Variants in LTBP1 observed in about 807,000 individuals in gnomAD.
LTBP1 encodes the protein latent-transforming growth factor beta-binding protein 1.
Under a neutral mutation model 207.6 loss-of-function variants are expected in LTBP1, and 129 were observed. The observed-to-expected ratio is 0.62, with a 90% CI of 0.54 to 0.72. The LOEUF is 0.72. Ranked by LOEUF, LTBP1 falls within the 30% of genes least tolerant of loss-of-function variation. The probability of loss-of-function intolerance (pLI) is 0.00; values close to 1 mark genes in which losing one functional copy is unlikely to be tolerated. For missense variants in LTBP1, 2,281 were observed against 2,217.2 expected, an observed-to-expected ratio of 1.03 and a Z score of -0.58; for synonymous variants, 963 against 833.7, an observed-to-expected ratio of 1.16 and a Z score of -2.67.
At chr2:32,968,199 C>T (rs1418108308) in intron 2 of LTBP1, among the ~76,000 whole-genome samples, 1 of 152,106 alleles carries the variant, frequency 6.6e-6, no homozygotes, top group Non-Finnish European at 1.5e-5. Flanking sequence ...AGCTCCTTAT[C>T]AGGTGATCCG....
intron 3 of LTBP1, among the ~76,000 whole-genome samples, chr2:33,028,545 G>A (rs1275387022): frequency 6.6e-6 from 1 of 152,184 alleles, no homozygotes; most frequent in African/African-American, 2.4e-5. Context: ...GCGAGCGCCT[G>A]TAATCCCAGC....
chr2:33,092,425 A>C (rs907978012), intron 3 of LTBP1, among the ~76,000 whole-genome samples: 3 of 152,244 alleles, frequency 2.0e-5, no homozygotes, highest in African/African-American at 7.2e-5. Context: ...CAAACCTTTC[A>C]GCCTGGGCTT....
intron 7 of LTBP1, among the ~76,000 whole-genome samples, chr2:33,208,087 A>T (rs879455653): frequency 6.6e-6 from 1 of 152,278 alleles, no homozygotes; most frequent in Admixed American, 6.5e-5. Flanking sequence ...TAGGATTAAC[A>T]TTCCTCATCC....
chr2:33,217,438 T>C (rs1349876370), intron 7 of LTBP1, 114 bp from the exon 8 acceptor site: 1 of 596,486 alleles, frequency 1.7e-6, no homozygotes, highest in East Asian at 2.7e-5. Flanking sequence ...TCCTTTCTAA[T>C]TGTGTCGATA....
At chr2:33,081,402 C>G (rs146018366) in intron 3 of LTBP1, among the ~76,000 whole-genome samples, 1 of 151,952 alleles carries the variant, frequency 6.6e-6, no homozygotes, top group Non-Finnish European at 1.5e-5. Flanking sequence ...TGGACACACA[C>G]GAGCATACAC....
At chr2:33,332,931 A>G (rs1262171507) in intron 24 of LTBP1, 1 of 152,198 alleles carries the variant, frequency 6.6e-6, no homozygotes, top group Non-Finnish European at 1.5e-5. Context: ...TACACCTCTC[A>G]TCTGATCTTG....
At chr2:33,272,756 CA>C (rs2093348509) in intron 15 of LTBP1, among the ~76,000 whole-genome samples, 1 of 152,218 alleles carries the variant, frequency 6.6e-6, no homozygotes, top group Non-Finnish European at 1.5e-5. Flanking sequence ...TTCTAACCAC[CA>C]GCTGTGCCAC....
intron 5 of LTBP1, among the ~76,000 whole-genome samples, chr2:33,178,527 T>A (rs552877512): frequency 1.1e-4 from 16 of 149,854 alleles, no homozygotes; most frequent in Non-Finnish European, 2.4e-4. Flanking sequence ...CATTAAAAAT[T>A]TGTGGTATTT....
At chr2:33,179,198 A>ATT (rs111592950) in intron 5 of LTBP1, among the ~76,000 whole-genome samples, 1 of 151,900 alleles carries the variant, frequency 6.6e-6, no homozygotes, top group African/African-American at 2.4e-5. Flanking sequence ...TCTTTCTGTG[A>ATT]TTTTTTTTAA....
chr2:33,394,709 C>A (rs977895192), intron 32 of LTBP1, among the ~76,000 whole-genome samples: 2 of 152,118 alleles, frequency 1.3e-5, no homozygotes, highest in Non-Finnish European at 2.9e-5. Context: ...TTACTGTAGC[C>A]TTGTAGTATA....
chr2:33,254,507 A>G, intron 11 of LTBP1, among the ~76,000 whole-genome samples: 1 of 126,656 alleles, frequency 7.9e-6, no homozygotes, highest in Non-Finnish European at 1.7e-5. Flanking sequence ...TTATATGGTG[A>G]TTTTCACTAA....
At chr2:33,202,928 T>C (rs1344291397) in intron 7 of LTBP1, among the ~76,000 whole-genome samples, 1 of 152,250 alleles carries the variant, frequency 6.6e-6, no homozygotes, top group Non-Finnish European at 1.5e-5. Context: ...GTGTGCTGAT[T>C]GCATTTATTG....
intron 2 of LTBP1, among the ~76,000 whole-genome samples, chr2:32,953,464 G>A (rs1405953178): frequency 6.6e-6 from 1 of 152,188 alleles, no homozygotes; most frequent in Non-Finnish European, 1.5e-5. Flanking sequence ...CATGTGGGAG[G>A]GTCAGCTGGA....
At chr2:33,397,398 G>C in intron 33 of LTBP1, 116 bp downstream of exon 33, 1 of 1,156,550 alleles carries the variant, frequency 8.6e-7, no homozygotes, top group Non-Finnish European at 1.3e-6. Flanking sequence ...GATGAGAAAA[G>C]TTCTGGAGAT....
intron 2 of LTBP1, among the ~76,000 whole-genome samples, chr2:32,968,714 T>C (rs1319311521): frequency 6.6e-6 from 1 of 151,636 alleles, no homozygotes; most frequent in African/African-American, 2.4e-5. Context: ...TGTCTTCTAC[T>C]CTTTTTTCCT....
At chr2:33,186,795 G>A in intron 5 of LTBP1, 61 bp from the exon 6 acceptor site, 3 of 1,317,776 alleles carry the variant, frequency 2.3e-6, no homozygotes, top group African/African-American at 1.4e-5. Flanking sequence ...TTTGTTGGTT[G>A]ATCATTACTT....
At position 33,362,059 on chromosome 2, in the gene LTBP1, C is replaced by T. The variant is rs187098072; in HGVS notation, c.4270+544C>T. Among the ~76,000 whole-genome samples, 16 of 152,188 alleles carry T rather than the reference C, an allele frequency of 1.1e-4. No individual in the cohort carries two copies. In the East Asian group the frequency reaches 3.1e-3, roughly 29 times the overall value. Reference sequence around the variant, plus strand: ...GACATGTTTTATGTATTTGATGCTACGGTTATATAATTCTAAAATAAATGT... The same window carrying T: ...GACATGTTTTATGTATTTGATGCTATGGTTATATAATTCTAAAATAAATGT... On this transcript the variant is annotated intron_variant, in intron 28 of 33. Coordinates refer to ENST00000404816, the MANE Select transcript of LTBP1 (RefSeq NM_206943.4).
chr2:33,053,228 G>T (rs1382527232), intron 3 of LTBP1, among the ~76,000 whole-genome samples: 2 of 152,064 alleles, frequency 1.3e-5, no homozygotes, highest in Non-Finnish European at 2.9e-5. Flanking sequence ...GGAGAGGAAG[G>T]TCCAGACTTC....
At chr2:32,981,316 G>A (rs969723208) in intron 2 of LTBP1, among the ~76,000 whole-genome samples, 2 of 152,024 alleles carry the variant, frequency 1.3e-5, no homozygotes, top group Non-Finnish European at 2.9e-5. Context: ...CTTGGTAGCT[G>A]GATATGTTGT....
Sources: allele counts gnomAD v4.1 joint callset (sites outside exome capture counted in the v4.1 genomes callset), GRCh38; gene constraint gnomAD v4.1.1; transcripts MANE v1.5; gene names NCBI Gene and HGNC (gene_info 2026-07-23, HGNC 2026-07-21).